Variants in BEND4 observed in about 807,000 individuals in gnomAD.
BEND4 encodes the protein BEN domain-containing protein 4.
A neutral mutation model predicts 54.7 loss-of-function variants in BEND4; 27 were observed. The ratio of observed to expected loss-of-function variants is 0.49; its 90% CI spans 0.36 to 0.68. The LOEUF is 0.68. Ranked by LOEUF, BEND4 falls within the 30% of genes least tolerant of loss-of-function variation. BEND4 has a pLI of 0.00. For synonymous variants in BEND4, 327 were observed against 299.5 expected (o/e 1.09, Z -0.95); for missense variants, 702 against 697.2 (o/e 1.01, Z -0.08).
intron 3 of BEND4, among the ~76,000 whole-genome samples, chr4:42,127,851 C>T (rs1720344939): frequency 6.6e-6 from 1 of 152,120 alleles, no homozygotes; most frequent in Non-Finnish European, 1.5e-5. Flanking sequence ...TTTTCTGATC[C>T]CTCACCCATA....
At chr4:42,123,960 C>T (rs1320633089) in intron 4 of BEND4, among the ~76,000 whole-genome samples, 2 of 152,216 alleles carry the variant, frequency 1.3e-5, no homozygotes, top group Non-Finnish European at 1.5e-5. Context: ...TATGGGCAAA[C>T]CACTGTGGGC....
At chr4:42,151,633 G>A (rs745402548) in intron 2 of BEND4, 24 bp downstream of exon 2, 2 of 1,434,318 alleles carry the variant, frequency 1.4e-6, no homozygotes, top group African/African-American at 1.5e-5. Context: ...TGGCGGGAAG[G>A]AAAGTTGTGC....
In BEND4 at chr4:42,113,528, T is replaced by C. The variant is rs1719660337; in HGVS notation, c.*3990A>G. ...CAAGCCATTGAGAGCGGCAGGGGAATGTAGGAATCATAAACCTACAGATTC... is the reference window on the plus strand; with the variant it reads ...CAAGCCATTGAGAGCGGCAGGGGAACGTAGGAATCATAAACCTACAGATTC... On this transcript the variant is annotated 3_prime_UTR_variant, in exon 6 of 6. Coordinates refer to ENST00000502486, the MANE Select transcript of BEND4 (RefSeq NM_207406.4). 1 of 152,146 alleles carries C rather than the reference T, an allele frequency of 6.6e-6. No homozygotes were observed. The highest frequency in any genetic ancestry group is 2.4e-5 in the African/African-American group (1 of 41,418). 9.4% of individuals were successfully genotyped at this position (152,146 alleles called of 1,614,324 possible).
intron 3 of BEND4, among the ~76,000 whole-genome samples, chr4:42,127,769 T>C (rs901505820): frequency 3.9e-5 from 6 of 152,182 alleles, no homozygotes; most frequent in African/African-American, 1.4e-4. Flanking sequence ...ATGTGCAAGG[T>C]ACTACCTTGG....
chr4:42,120,165 C>A lies in BEND4; in HGVS notation c.1276G>T (p.Asp426Tyr). 6.2e-7 allele frequency: 1 copy of A among 1,613,986 alleles called. No homozygotes were observed. The highest frequency in any genetic ancestry group is 8.5e-7 in the Non-Finnish European group (1 of 1,179,882). ...AGGCCGCATGAGTACTTAAGCTCATCGGTTGTGAAAACAAATCTGATGAGG... is the reference window on the plus strand; with the variant it reads ...AGGCCGCATGAGTACTTAAGCTCATAGGTTGTGAAAACAAATCTGATGAGG... ...RYLIRFVFTTDELKYSCGLGK... is the reference protein window; with the variant it reads ...RYLIRFVFTTYELKYSCGLGK... Residue 426 changes from aspartate to tyrosine, a missense_variant, in exon 5 of 6, where the codon GAT (aspartate) becomes TAT (tyrosine). Coordinates refer to ENST00000502486, the MANE Select transcript of BEND4 (RefSeq NM_207406.4).
Position 42,131,468 on chromosome 4 carries a change from T to A in BEND4, c.1055-5794A>T, listed in dbSNP as rs1720506283. Among the ~76,000 whole-genome samples the A allele has an allele frequency of 2.6e-5, 4 of 152,186 alleles. No homozygotes were observed. The South Asian group carries it at 8.3e-4, about 32-fold the overall frequency. On this transcript the variant is annotated intron_variant, in intron 3 of 5. Coordinates refer to ENST00000502486, the MANE Select transcript of BEND4 (RefSeq NM_207406.4). ...AAGTGTTTACAGTGGGTATAATAGT[T>A]TTATACTAATTTAAAAGTTGTTTGA...
rs114090714 is a variant in BEND4 at position 42,120,585 on chromosome 4, G to A, written c.1147-291C>T. On this transcript the variant is annotated intron_variant, in intron 4 of 5. Transcript: ENST00000502486. ...TAAAATGTGTCAAGATCCAATGACA[G>A]GGAACACTATTTAAATCTAACCTGT... is the stretch of plus-strand genomic sequence containing the variant. 3.2e-3 allele frequency among the ~76,000 whole-genome samples: 486 copies of A among 152,290 alleles called. 1 individual carries two copies. Among genetic ancestry groups the A allele is most frequent in the African/African-American group, 0.011 (466 of 41,556 alleles).
chr4:42,125,168 T>C (rs1210518403), intron 4 of BEND4, among the ~76,000 whole-genome samples: 2 of 152,176 alleles, frequency 1.3e-5, no homozygotes, highest in African/African-American at 2.4e-5. Context: ...AAATAACCCA[T>C]GTGCAGGGGC....
intron 3 of BEND4, among the ~76,000 whole-genome samples, chr4:42,134,260 C>CT (rs1720613784): frequency 1.3e-5 from 2 of 152,170 alleles, no homozygotes; most frequent in African/African-American, 4.8e-5. Flanking sequence ...TTTTCAAGGA[C>CT]TTAAAACATC....
At position 42,120,946 on chromosome 4, in the gene BEND4, C is replaced by T. The variant is rs1720034753; in HGVS notation, c.1147-652G>A. Among the ~76,000 whole-genome samples the T allele has an allele frequency of 2.6e-5, 4 of 152,164 alleles. No individual in the cohort carries two copies. In the South Asian group the frequency reaches 8.3e-4, roughly 32 times the overall value. On this transcript the variant is annotated intron_variant, in intron 4 of 5. Transcript: ENST00000502486. ...TACTTTTCACCTTCATAATTTACGTCTGCTATAAAATTCCCGGGCTAAATA... is the reference window on the plus strand; with the variant it reads ...TACTTTTCACCTTCATAATTTACGTTTGCTATAAAATTCCCGGGCTAAATA...
intron 2 of BEND4, among the ~76,000 whole-genome samples, chr4:42,145,645 T>C (rs78483307): frequency 1.4e-5 from 2 of 147,182 alleles, no homozygotes; most frequent in East Asian, 4.0e-4. Flanking sequence ...TGAGCCAAGA[T>C]GGTGCCGCTG....
chr4:42,138,523 C>G (rs557671428), intron 3 of BEND4, among the ~76,000 whole-genome samples: 1 of 152,188 alleles, frequency 6.6e-6, no homozygotes, highest in African/African-American at 2.4e-5. Flanking sequence ...GAGGAATACA[C>G]GTGACAAATT....
intron 2 of BEND4, 114 bp from the exon 3 acceptor site, chr4:42,144,108 C>T (rs1219809423): frequency 1.3e-6 from 1 of 785,692 alleles, no homozygotes; most frequent in Non-Finnish European, 2.1e-6. Context: ...TTTCTACTGT[C>T]TGTCATAAAC....
intron 3 of BEND4, among the ~76,000 whole-genome samples, chr4:42,129,365 G>A (rs1158660005): frequency 6.6e-6 from 1 of 152,108 alleles, no homozygotes; most frequent in Non-Finnish European, 1.5e-5. Context: ...GTGATTTACA[G>A]ATTCAATACT....
Position 42,151,917 on chromosome 4 carries a change from G to T in BEND4, c.227C>A (p.Pro76Gln), listed in dbSNP as rs1269565781. Residue 76 changes from proline to glutamine, a missense_variant, in exon 2 of 6, where the codon CCG becomes CAG. By Grantham distance (76) the Pro-to-Gln change is moderately conservative (BLOSUM62 -1). Coordinates refer to ENST00000502486, the MANE Select transcript of BEND4 (RefSeq NM_207406.4). ...AAVSISSSEP[P>Q]PQQFQAQSSY... ...GCTCTGCGCCTGGAACTGCTGCGGC[G>T]GCGGCTCGCTGCTGCTGATGGAGAC... The T allele has an allele frequency of 1.6e-6, 2 of 1,255,922 alleles. No individual in the cohort carries two copies. Among genetic ancestry groups the T allele is most frequent in the Non-Finnish European group, 2.0e-6 (2 of 1,002,130 alleles). The allele number at this position is 1,255,922 out of a possible 1,614,324, so 77.8% of individuals were successfully genotyped here. A position where few individuals can be genotyped will look rare whatever the true frequency, so the allele number is the denominator to read the frequency against.
At chr4:42,131,235 A>G (rs993971326) in intron 3 of BEND4, among the ~76,000 whole-genome samples, 1 of 152,322 alleles carries the variant, frequency 6.6e-6, no homozygotes, top group Non-Finnish European at 1.5e-5. Context: ...TATATAAAAT[A>G]AAATAAATTT....
chr4:42,113,964 A>C lies in BEND4; in HGVS notation c.*3554T>G, dbSNP rs1719688913. ...GTGGTGGAATGAGGAAAACCAAAAA[A>C]GTGATGCGCGGGTTCAAGGGCTAGA... On this transcript the variant is annotated 3_prime_UTR_variant, in exon 6 of 6. Coordinates refer to ENST00000502486, the MANE Select transcript of BEND4 (RefSeq NM_207406.4). The C allele has an allele frequency of 6.6e-6, 1 of 152,260 alleles. No individual in the cohort carries two copies. Among genetic ancestry groups the C allele is most frequent in the Non-Finnish European group, 1.5e-5 (1 of 68,036 alleles). The allele number at this position is 152,260 out of a possible 1,614,324, so 9.4% of individuals were successfully genotyped here. A position where few individuals can be genotyped will look rare whatever the true frequency, so the allele number is the denominator to read the frequency against.
chr4:42,113,672 G>A lies in BEND4; in HGVS notation c.*3846C>T, dbSNP rs1719665833. 1 of 152,084 alleles carries A rather than the reference G, an allele frequency of 6.6e-6. No individual in the cohort carries two copies. Among genetic ancestry groups the A allele is most frequent in the Non-Finnish European group, 1.5e-5 (1 of 67,998 alleles). 9.4% of individuals were successfully genotyped at this position (152,084 alleles called of 1,614,324 possible). ...CTAGTTGATGGGACATGGAGTAGTT[G>A]GATCAAGTAAAAAAATGGTTAATAA... On this transcript the variant is annotated 3_prime_UTR_variant, in exon 6 of 6. Transcript: ENST00000502486.
intron 5 of BEND4, 106 bp downstream of exon 5, chr4:42,119,948 G>C: frequency 7.0e-7 from 1 of 1,429,174 alleles, no homozygotes; most frequent in Non-Finnish European, 9.7e-7. Flanking sequence ...GTTCTCAGCA[G>C]AAAGAAATCA....
Sources: gnomAD v4.1 joint callset for allele counts (sites outside exome capture counted in the v4.1 genomes callset) on GRCh38, gnomAD v4.1.1 for gene constraint, MANE v1.5 for transcripts, NCBI Gene and HGNC (gene_info 2026-07-23, HGNC 2026-07-21) for gene names.